DACH2: variants seen among roughly 807,000 people sequenced by gnomAD.
DACH2 encodes dachshund homolog 2.
A neutral mutation model predicts 35.8 loss-of-function variants in DACH2; 17 were observed. That is an observed-to-expected ratio of 0.48 (90% CI 0.33 to 0.71). The LOEUF (loss-of-function observed/expected upper bound fraction) is 0.71, where lower values mean the gene tolerates loss of function less well. Ranked by LOEUF, DACH2 falls within the 30% of genes least tolerant of loss-of-function variation. The pLI is 0.02. For synonymous variants in DACH2, 195 were observed against 177.3 expected (o/e 1.10, Z -0.79); for missense variants, 469 against 472.7 (o/e 0.99, Z 0.07).
chrX:86,232,869 C>T (rs5968839), intron 1 of DACH2, among the ~76,000 whole-genome samples: 8,502 of 111,648 alleles, frequency 0.076, 794 homozygotes, highest in African/African-American at 0.26. Flanking sequence ...ATAAATTATT[C>T]GATCATAAAG....
chrX:86,335,459 G>A (rs1399419963), intron 1 of DACH2, among the ~76,000 whole-genome samples: 2 of 110,901 alleles, frequency 1.8e-5, no homozygotes, highest in Non-Finnish European at 1.9e-5. Flanking sequence ...CCTTGAATAG[G>A]TCCTTTACAT....
chrX:86,609,840 C>T (rs1406351194), intron 3 of DACH2, among the ~76,000 whole-genome samples: 1 of 111,456 alleles, frequency 9.0e-6, no homozygotes, highest in Non-Finnish European at 1.9e-5. Context: ...TTCTGAGCCA[C>T]CTATTACTGG....
At chrX:86,276,443 A>G (rs2033917893) in intron 1 of DACH2, among the ~76,000 whole-genome samples, 1 of 111,286 alleles carries the variant, frequency 9.0e-6, no homozygotes, top group Non-Finnish European at 1.9e-5. Context: ...TCCTTGTTAG[A>G]TGGGTGGTTT....
At chrX:86,421,742 A>G (rs773137092) in intron 2 of DACH2, among the ~76,000 whole-genome samples, 2 of 111,604 alleles carry the variant, frequency 1.8e-5, no homozygotes, top group East Asian at 5.6e-4. Context: ...TACTTCTATT[A>G]TAAAAATGAT....
chrX:86,549,429 C>T (rs11092802), intron 3 of DACH2, among the ~76,000 whole-genome samples: 21,023 of 110,262 alleles, frequency 0.19, 1,542 homozygotes, highest in East Asian at 0.28. Context: ...ATTCATAGAA[C>T]TCTAGTAACA....
intron 1 of DACH2, among the ~76,000 whole-genome samples, chrX:86,323,343 C>A (rs2035051829): frequency 8.9e-6 from 1 of 111,885 alleles, no homozygotes; most frequent in Admixed American, 9.4e-5. Context: ...GGAGTAACCT[C>A]CTACTCAACC....
chrX:86,560,461 G>A (rs1449056202), intron 3 of DACH2, among the ~76,000 whole-genome samples: 12 of 102,687 alleles, frequency 1.2e-4, no homozygotes, highest in African/African-American at 4.4e-4. Flanking sequence ...GGCGTTCTCT[G>A]TATTTCCTGA....
At chrX:86,609,724 T>A (rs748884586) in intron 3 of DACH2, among the ~76,000 whole-genome samples, 11 of 111,701 alleles carry the variant, frequency 9.8e-5, no homozygotes, top group Non-Finnish European at 1.3e-4. Context: ...GAGATACCTT[T>A]CTGATAGTTT....
At chrX:86,656,857 GTATATATA>G (rs752576150) in intron 4 of DACH2, among the ~76,000 whole-genome samples, 101 of 66,717 alleles carry the variant, frequency 1.5e-3, no homozygotes, top group Admixed American at 3.5e-3. Flanking sequence ...GTGTGTGTGT[GTATATATA>G]TATATATATA....
At chrX:86,823,503 CT>C (rs11293065) in intron 11 of DACH2, among the ~76,000 whole-genome samples, 36,284 of 110,708 alleles carry the variant, frequency 0.33, 4,821 homozygotes, top group Middle Eastern at 0.42. Context: ...CTGGAATCTA[CT>C]TTTTGTCAGT....
chrX:86,564,711 A>G (rs918883934), intron 3 of DACH2, among the ~76,000 whole-genome samples: 29 of 111,561 alleles, frequency 2.6e-4, no homozygotes, highest in African/African-American at 9.4e-4. Flanking sequence ...ATCTTCTAAC[A>G]GCAGCAACCA....
intron 2 of DACH2, among the ~76,000 whole-genome samples, chrX:86,444,826 A>T (rs968634178): frequency 1.8e-5 from 2 of 111,168 alleles, no homozygotes; most frequent in African/African-American, 6.5e-5. Context: ...TATTAGGCTT[A>T]TATTTAAAAG....
At chrX:86,298,967 T>C (rs1197366134) in intron 1 of DACH2, among the ~76,000 whole-genome samples, 2 of 112,335 alleles carry the variant, frequency 1.8e-5, no homozygotes, top group African/African-American at 6.5e-5. Flanking sequence ...CACTCCACCC[T>C]GTTCATTGGC....
At chrX:86,641,079 C>T (rs960428642) in intron 3 of DACH2, among the ~76,000 whole-genome samples, 4 of 111,898 alleles carry the variant, frequency 3.6e-5, no homozygotes, top group African/African-American at 1.3e-4. Flanking sequence ...ACCAGCCCTC[C>T]AACAAGAGTT....
intron 1 of DACH2, among the ~76,000 whole-genome samples, chrX:86,276,306 T>C (rs1353950647): frequency 8.9e-6 from 1 of 112,661 alleles, no homozygotes; most frequent in Non-Finnish European, 1.9e-5. Context: ...CCTTTTCATG[T>C]ACCTGTTTGC....
At chrX:86,526,914 C>A (rs2038642449) in intron 3 of DACH2, among the ~76,000 whole-genome samples, 1 of 109,674 alleles carries the variant, frequency 9.1e-6, no homozygotes, top group East Asian at 3.0e-4. Context: ...CTTGCATAAT[C>A]AAGGGACCAA....
chrX:86,688,966 C>G (rs767013678), intron 4 of DACH2, among the ~76,000 whole-genome samples: 3 of 111,321 alleles, frequency 2.7e-5, no homozygotes, highest in Admixed American at 9.6e-5. Context: ...ATTTAAATAG[C>G]CACAGGTGAC....
At chrX:86,153,212 G>A (rs6617196) in intron 1 of DACH2, among the ~76,000 whole-genome samples, 1,644 of 111,062 alleles carry the variant, frequency 0.015, 22 homozygotes, top group African/African-American at 0.049. Flanking sequence ...TAATGCATTT[G>A]GAGACATGAT....
chrX:86,497,908 T>G (rs2038195730), intron 2 of DACH2, among the ~76,000 whole-genome samples: 1 of 111,170 alleles, frequency 9.0e-6, no homozygotes, highest in Admixed American at 9.6e-5. Flanking sequence ...GCACGAGAAT[T>G]GCTTGAACCC....
Sources: gnomAD v4.1 joint callset for allele counts (sites outside exome capture counted in the v4.1 genomes callset) on GRCh38, gnomAD v4.1.1 for gene constraint, MANE v1.5 for transcripts, NCBI Gene and HGNC (gene_info 2026-07-23, HGNC 2026-07-21) for gene names.